Variants in SMYD2 observed in about 807,000 individuals in gnomAD.
SMYD2 encodes the protein N-lysine methyltransferase SMYD2.
SMYD2 carries 53 observed loss-of-function variants against 59.1 expected under a neutral mutation model. That is an observed-to-expected ratio of 0.90 (90% CI 0.72 to 1.13). The LOEUF (loss-of-function observed/expected upper bound fraction) is 1.13. Ranked by LOEUF, SMYD2 falls within the 50% of genes most tolerant of loss-of-function variation. SMYD2 has a pLI of 0.00. For synonymous variants in SMYD2, 208 were observed against 198.8 expected (o/e 1.05, Z -0.39); for missense variants, 494 against 544.7 (o/e 0.91, Z 0.93).
At position 214,318,841 on chromosome 1, in the gene SMYD2, T is replaced by G; in HGVS notation, c.410-18T>G. The G allele has an allele frequency of 6.2e-7, 1 of 1,612,878 alleles. No individual in the cohort carries two copies. Among genetic ancestry groups the G allele is most frequent in the Non-Finnish European group, 8.5e-7 (1 of 1,179,716 alleles). ...CCCACGCTTTCTACTGGGTGAATAA[T>G]GGATTATTTATCCACAGATCTGGAT... is the stretch of plus-strand genomic sequence containing the variant. On this transcript the variant is annotated intron_variant, in intron 4 of 11. Coordinates refer to ENST00000366957, the MANE Select transcript of SMYD2 (RefSeq NM_020197.3). The surrounding 1 kb of genome is among the most constrained non-coding windows in gnomAD (Gnocchi z 5.4).
In SMYD2 at chr1:214,336,792, C is replaced by T; in HGVS notation, c.*8C>T. The T allele has an allele frequency of 1.2e-6, 2 of 1,609,614 alleles. No individual in the cohort carries two copies. The highest frequency in any genetic ancestry group is 1.7e-6 in the Non-Finnish European group (2 of 1,178,044). ...GAAATTGAAAGCCACTGAAACTATG[C>T]AGCATTTCAGTTTTCATTTAAACAC... On this transcript the variant is annotated 3_prime_UTR_variant, in exon 12 of 12. Transcript: ENST00000366957.
At chr1:214,319,946 T>G (rs567887886) in intron 5 of SMYD2, among the ~76,000 whole-genome samples, 1 of 152,146 alleles carries the variant, frequency 6.6e-6, no homozygotes, top group Admixed American at 6.5e-5. Context: ...AGTAACTCTG[T>G]TTGCAGGAAT....
intron 1 of SMYD2, among the ~76,000 whole-genome samples, chr1:214,293,016 TGTGTGTGTGTGTGTGTG>T (rs1656662121): frequency 2.1e-3 from 1 of 474 alleles, no homozygotes; most frequent in African/African-American, 0.013. Context: ...TCTGTTTGTG[TGTGTGTGTGTGTGTGTG>T]TGTGTGTGTG....
intron 1 of SMYD2, among the ~76,000 whole-genome samples, chr1:214,286,708 C>A (rs1196260273): frequency 7.8e-6 from 1 of 128,530 alleles, no homozygotes; most frequent in Non-Finnish European, 1.5e-5. Context: ...GCAGAGGTTG[C>A]AGTGAGCTGA....
In SMYD2 at chr1:214,318,843, G is replaced by A; in HGVS notation, c.410-16G>A. The A allele has an allele frequency of 6.2e-7, 1 of 1,613,174 alleles. No individual in the cohort carries two copies. Among genetic ancestry groups the A allele is most frequent in the Non-Finnish European group, 8.5e-7 (1 of 1,179,792 alleles). On this transcript the variant is annotated splice_polypyrimidine_tract_variant and intron_variant, in intron 4 of 11. Coordinates refer to ENST00000366957, the MANE Select transcript of SMYD2 (RefSeq NM_020197.3). The surrounding 1 kb of genome is among the most constrained non-coding windows in gnomAD (Gnocchi z 5.4). ...CACGCTTTCTACTGGGTGAATAATG[G>A]ATTATTTATCCACAGATCTGGATAA...
intron 1 of SMYD2, among the ~76,000 whole-genome samples, chr1:214,284,815 C>T (rs901863221): frequency 2.0e-5 from 3 of 152,174 alleles, no homozygotes; most frequent in Non-Finnish European, 2.9e-5. Flanking sequence ...CGTGCCTGGC[C>T]TAGACATATT....
rs570924293 is a variant in SMYD2, at chr1:214,334,961, C to T, written c.1221+653C>T. On this transcript the variant is annotated intron_variant, in intron 11 of 11. Transcript: ENST00000366957. Reference sequence around the variant, plus strand: ...GGGAGCCAGAACCCTGGGCAGCATTCGCCTTTGGTTTGATGGCGGCCCTGT... The same window carrying T: ...GGGAGCCAGAACCCTGGGCAGCATTTGCCTTTGGTTTGATGGCGGCCCTGT... Among the ~76,000 whole-genome samples the T allele has an allele frequency of 1.8e-4, 28 of 152,316 alleles. No homozygotes were observed. In the East Asian group the frequency reaches 3.3e-3, roughly 18 times the overall value.
At chr1:214,287,776 A>G (rs1340725854) in intron 1 of SMYD2, among the ~76,000 whole-genome samples, 1 of 152,134 alleles carries the variant, frequency 6.6e-6, no homozygotes, top group Non-Finnish European at 1.5e-5. Flanking sequence ...TTCTCACTCC[A>G]AAGTCTTAGG....
rs1657006378 is a variant in SMYD2 at position 214,312,087 on chromosome 1, T to C, written c.238-2675T>C. 6.6e-6 allele frequency among the ~76,000 whole-genome samples: 1 copy of C among 152,216 alleles called. No homozygotes were observed. Among genetic ancestry groups the C allele is most frequent in the South Asian group, 2.1e-4 (1 of 4,832 alleles). On this transcript the variant is annotated intron_variant, in intron 2 of 11. Coordinates refer to ENST00000366957, the MANE Select transcript of SMYD2 (RefSeq NM_020197.3). The surrounding 1 kb of genome is among the most constrained non-coding windows in gnomAD (Gnocchi z 4.1). ...CCATGCTCTCATTTTAGGCTTTGGCTAAAAACAGATTCTCTTCTCCCTTGT... is the reference window on the plus strand; with the variant it reads ...CCATGCTCTCATTTTAGGCTTTGGCCAAAAACAGATTCTCTTCTCCCTTGT...
At chr1:214,313,015 T>C (rs1657022964) in intron 2 of SMYD2, among the ~76,000 whole-genome samples, 1 of 152,192 alleles carries the variant, frequency 6.6e-6, no homozygotes, top group Non-Finnish European at 1.5e-5. Context: ...AGCTAAGAAG[T>C]GATCAGATTC....
Position 214,315,881 on chromosome 1 carries a change from G to A in SMYD2, c.348+1009G>A, listed in dbSNP as rs888438522. On this transcript the variant is annotated intron_variant, in intron 3 of 11. Transcript: ENST00000366957. ...TCTTAGAAGCATTCCCAGAGCAGGAGTTAACCAGAAATCAACATGGTATAT... is the reference window on the plus strand; with the variant it reads ...TCTTAGAAGCATTCCCAGAGCAGGAATTAACCAGAAATCAACATGGTATAT... 5.3e-5 allele frequency among the ~76,000 whole-genome samples: 8 copies of A among 152,302 alleles called. No homozygotes were observed. The South Asian group carries it at 1.0e-3, about 20-fold the overall frequency.
intron 3 of SMYD2, among the ~76,000 whole-genome samples, chr1:214,315,602 C>T (rs1657073310): frequency 6.6e-6 from 1 of 152,160 alleles, no homozygotes; most frequent in Non-Finnish European, 1.5e-5. Flanking sequence ...CTGACAAATC[C>T]AGTTTATTAG....
At chr1:214,332,264 T>A in intron 10 of SMYD2, 72 bp downstream of exon 10, 13 of 1,536,184 alleles carry the variant, frequency 8.5e-6, no homozygotes, top group Non-Finnish European at 1.1e-5. Context: ...GATAGTGTCA[T>A]CTTCCTGCCC....
At position 214,324,722 on chromosome 1, in the gene SMYD2, G is replaced by A. The variant is rs749538220; in HGVS notation, c.602+14G>A. On this transcript the variant is annotated intron_variant, in intron 6 of 11. Coordinates refer to ENST00000366957, the MANE Select transcript of SMYD2 (RefSeq NM_020197.3). Reference sequence around the variant, plus strand: ...GATATTTCCTGAGTAGGCTGTGTTTGACTTCATTTCTTTCCTTTTTACTTA... The same window carrying A: ...GATATTTCCTGAGTAGGCTGTGTTTAACTTCATTTCTTTCCTTTTTACTTA... 6 of 1,603,066 alleles carry A rather than the reference G, an allele frequency of 3.7e-6. No individual in the cohort carries two copies. Among genetic ancestry groups the A allele is most frequent in the Non-Finnish European group, 4.3e-6 (5 of 1,175,650 alleles).
In SMYD2 at chr1:214,299,481, A is replaced by ATATATATATATATATATG. The variant is rs1363365408; in HGVS notation, c.174-5704_174-5703insTATATATATATATATGTA. The stretch of plus-strand genomic sequence containing the variant: ...AAGAAAACATTATATATATATATAT[A>ATATATATATATATATATG]TACACCATAGAATACTATGCAGTCA... On this transcript the variant is annotated intron_variant, in intron 1 of 11. Coordinates refer to ENST00000366957, the MANE Select transcript of SMYD2 (RefSeq NM_020197.3). 1.3e-3 allele frequency among the ~76,000 whole-genome samples: 38 copies of ATATATATATATATATATG among 28,776 alleles called. 1 individual carries two copies. The highest frequency in any genetic ancestry group is 9.4e-4 in the Non-Finnish European group (11 of 11,660). The allele number at this position is 28,776 out of a possible 152,430, so 18.9% of individuals were successfully genotyped here. A position where few individuals can be genotyped will look rare whatever the true frequency, so the allele number is the denominator to read the frequency against.
chr1:214,330,191 C>A lies in SMYD2; in HGVS notation c.729C>A (p.Leu243=), dbSNP rs934845329. Residue 243 remains leucine (L), a synonymous_variant, in exon 8 of 12, where the codon CTC becomes CTA. Transcript: ENST00000366957. ...GEEVFTSYID[L]LYPTEDRNDR... ...AGGTTTTTACCAGCTATATTGATCT[C>A]CTGTACCCAACGGAAGATAGAAATG... 1 of 1,613,140 alleles carries A rather than the reference C, an allele frequency of 6.2e-7. No homozygotes were observed. Among genetic ancestry groups the A allele is most frequent in the South Asian group, 1.1e-5 (1 of 90,910 alleles).
chr1:214,293,007 CTGTTTGTGTGTGTGTGTG>C (rs1416660170), intron 1 of SMYD2, among the ~76,000 whole-genome samples: 22 of 137,022 alleles, frequency 1.6e-4, no homozygotes, highest in South Asian at 7.6e-4. Context: ...TTATCTTTTT[CTGTTTGTGTGTGTGTGTG>C]TGTGTGTGTG....
At chr1:214,326,951 T>C (rs996930054) in intron 6 of SMYD2, among the ~76,000 whole-genome samples, 1 of 152,244 alleles carries the variant, frequency 6.6e-6, no homozygotes, top group Non-Finnish European at 1.5e-5. Context: ...TTCCCTGTAG[T>C]TTAGAAATTT....
chr1:214,305,320 TCCTCAGCGC>T (rs1173091553), intron 2 of SMYD2, 70 bp downstream of exon 2: 1 of 1,401,214 alleles, frequency 7.1e-7, no homozygotes, highest in African/African-American at 1.4e-5. Context: ...GTCATGGCAT[TCCTCAGCGC>T]CCTCCTGGAG....
Sources: gnomAD v4.1 joint callset for allele counts (sites outside exome capture counted in the v4.1 genomes callset) on GRCh38, gnomAD v4.1.1 for gene constraint, Gnocchi (gnomAD v3.1) non-coding constraint, MANE v1.5 for transcripts, NCBI Gene and HGNC (gene_info 2026-07-23, HGNC 2026-07-21) for gene names.